SETX: variants seen among roughly 807,000 people sequenced by gnomAD.
SETX encodes senataxin.
In SETX, 90 loss-of-function variants were observed where a neutral mutation model predicts 227.2. The observed-to-expected ratio is 0.40, with a 90% CI of 0.33 to 0.47. The LOEUF (loss-of-function observed/expected upper bound fraction) is 0.47, where lower values mean the gene tolerates loss of function less well. SETX is among the 20% of genes least tolerant of loss of function. The probability of loss-of-function intolerance (pLI) is 0.91; values close to 1 mark genes in which losing one functional copy is unlikely to be tolerated. For missense variants in SETX, 3,052 were observed against 3,181.5 expected (o/e 0.96, Z 0.98); for synonymous variants, 1,210 against 1,113.2 (o/e 1.09, Z -1.73).
chr9:132,291,148 G>A (rs1844273486), intron 15 of SETX, among the ~76,000 whole-genome samples: 2 of 149,966 alleles, frequency 1.3e-5, no homozygotes, highest in South Asian at 2.1e-4. Flanking sequence ...TTTACTTGAG[G>A]GTTTGAAAAC....
At position 132,292,625 on chromosome 9, in the gene SETX, A is replaced by ATT. The variant is rs529367112; in HGVS notation, c.6106+3245_6106+3246dup. 1.1e-3 allele frequency among the ~76,000 whole-genome samples: 143 copies of ATT among 125,178 alleles called. 1 individual carries two copies. Among genetic ancestry groups the ATT allele is most frequent in the Non-Finnish European group, 1.3e-3 (76 of 59,946 alleles). The allele number at this position is 125,178 out of a possible 152,430, so 82.1% of individuals were successfully genotyped here. A position where few individuals can be genotyped will look rare whatever the true frequency, so the allele number is the denominator to read the frequency against. ...AGAATAACAAAAAAGTTCCCAACTCATTTTTTTTTTTTTTTTTTTTTGAGA... is the reference window on the plus strand; with the variant it reads ...AGAATAACAAAAAAGTTCCCAACTCATTTTTTTTTTTTTTTTTTTTTTTGAGA... On this transcript the variant is annotated intron_variant, in intron 15 of 25. Coordinates refer to ENST00000224140, the MANE Select transcript of SETX (RefSeq NM_015046.7).
At chr9:132,300,897 T>G in intron 11 of SETX, 94 bp from the exon 12 acceptor site, 5 of 1,169,074 alleles carry the variant, frequency 4.3e-6, no homozygotes, top group Non-Finnish European at 6.0e-6. Context: ...TGTATTAAGT[T>G]CAAAAATACA....
At chr9:132,350,627 A>G (rs536291480) in intron 2 of SETX, among the ~76,000 whole-genome samples, 1 of 152,330 alleles carries the variant, frequency 6.6e-6, no homozygotes, top group Admixed American at 6.5e-5. Context: ...AAGCATAATC[A>G]AATACATTGT....
chr9:132,293,955 C>T (rs1589662951), intron 15 of SETX, among the ~76,000 whole-genome samples: 3 of 151,954 alleles, frequency 2.0e-5, no homozygotes, highest in African/African-American at 4.8e-5. Context: ...ACCTGAGAGG[C>T]GGAGCTTGCA....
chr9:132,288,068 C>A (rs1317020244), intron 17 of SETX, among the ~76,000 whole-genome samples, 168 bp downstream of exon 17: 2 of 152,018 alleles, frequency 1.3e-5, no homozygotes, highest in African/African-American at 4.8e-5. Flanking sequence ...CCCACCTACT[C>A]GGGAGGCTGA....
intron 25 of SETX, among the ~76,000 whole-genome samples, chr9:132,265,478 G>A (rs1364398659): frequency 6.6e-6 from 1 of 151,998 alleles, no homozygotes; most frequent in East Asian, 1.9e-4. Flanking sequence ...GCCCGCCTCA[G>A]CTCCCAAAGT....
At chr9:132,294,107 C>T (rs1262944656) in intron 15 of SETX, among the ~76,000 whole-genome samples, 1 of 151,940 alleles carries the variant, frequency 6.6e-6, no homozygotes, top group Non-Finnish European at 1.5e-5. Context: ...GTGCAGTCAA[C>T]ATACACCTGA....
chr9:132,334,883 CAAGT>C (rs1847492502), intron 6 of SETX, among the ~76,000 whole-genome samples, 156 bp from the exon 7 acceptor site: 2 of 152,276 alleles, frequency 1.3e-5, no homozygotes, highest in African/African-American at 4.8e-5. Context: ...CAACTGCTCC[CAAGT>C]AATAGAACTC....
intron 12 of SETX, among the ~76,000 whole-genome samples, chr9:132,299,120 A>C (rs535372515): frequency 6.6e-6 from 1 of 152,226 alleles, no homozygotes; most frequent in Non-Finnish European, 1.5e-5. Flanking sequence ...AAAATCAATC[A>C]TATCTGCTGA....
intron 15 of SETX, 32 bp from the exon 16 acceptor site, chr9:132,288,683 A>G (rs1844084878): frequency 7.3e-7 from 1 of 1,362,720 alleles, no homozygotes. Context: ...AAGGACTAAT[A>G]AGGACACTGC....
Position 132,300,643 on chromosome 9 carries a change from G to A in SETX, c.5535C>T (p.Arg1845=), listed in dbSNP as rs200433173. 2.4e-5 allele frequency: 39 copies of A among 1,613,614 alleles called. 1 individual carries two copies. The highest frequency in any genetic ancestry group is 2.8e-5 in the Non-Finnish European group (33 of 1,179,874). The change falls in exon 12 of 26, where the codon CGC becomes CGT. Residue 1845 remains arginine, a synonymous_variant. Transcript: ENST00000224140. ...EYHSGYVHKF[R]RTSVMRNGKT... is the part of the protein sequence containing the mutation. ...TTATTTACTTACTGACTGACGTGCGGCGAAATTTATGAACATAACCAGAAT... is the reference window on the plus strand; with the variant it reads ...TTATTTACTTACTGACTGACGTGCGACGAAATTTATGAACATAACCAGAAT...
intron 5 of SETX, among the ~76,000 whole-genome samples, chr9:132,339,256 T>A (rs1194565847): frequency 6.6e-6 from 1 of 152,070 alleles, no homozygotes; most frequent in Non-Finnish European, 1.5e-5. Context: ...GGCTGAGGTA[T>A]GGGGGCACTT....
chr9:132,335,124 C>T (rs551426604), intron 6 of SETX, among the ~76,000 whole-genome samples: 41 of 152,140 alleles, frequency 2.7e-4, no homozygotes, highest in Middle Eastern at 3.4e-3. Context: ...GGCGTGGTGG[C>T]TCACACCTGT....
chr9:132,270,319 G>C (rs78435310), intron 24 of SETX, among the ~76,000 whole-genome samples: 1 of 149,248 alleles, frequency 6.7e-6, no homozygotes, highest in Non-Finnish European at 1.5e-5. Context: ...ATGACTCAGC[G>C]TGCCCGTGTG....
intron 4 of SETX, among the ~76,000 whole-genome samples, chr9:132,343,246 G>A (rs1250871311): frequency 6.6e-6 from 1 of 152,140 alleles, no homozygotes; most frequent in African/African-American, 2.4e-5. Flanking sequence ...TTGAACCCAG[G>A]AGGTGGAGGT....
chr9:132,325,261 CAGG>C (rs1205495730), intron 10 of SETX, among the ~76,000 whole-genome samples: 2 of 152,112 alleles, frequency 1.3e-5, no homozygotes, highest in African/African-American at 4.8e-5. Flanking sequence ...GAGGCTGAGG[CAGG>C]AGAACAGCCT....
intron 2 of SETX, among the ~76,000 whole-genome samples, chr9:132,352,378 C>G (rs1848645481): frequency 6.6e-6 from 1 of 152,188 alleles, no homozygotes; most frequent in Admixed American, 6.5e-5. Flanking sequence ...TCATTCAGTA[C>G]TCTTTCTGGG....
Position 132,346,603 on chromosome 9 carries a change from G to C in SETX, c.178-132C>G, listed in dbSNP as rs929779602. 8.6e-6 allele frequency: 6 copies of C among 701,148 alleles called. No homozygotes were observed. In the African/African-American group the frequency reaches 9.0e-5, roughly 11 times the overall value. The allele number at this position is 701,148 out of a possible 1,614,324, so 43.4% of individuals were successfully genotyped here. On this transcript the variant is annotated intron_variant, in intron 3 of 25. Transcript: ENST00000224140. ...GTAAAGTATTAGAGCTTGTATTTTA[G>C]ATTTAAAGAAAACTATTCAAATGTG...
At position 132,283,424 on chromosome 9, in the gene SETX, A is replaced by G; in HGVS notation, c.6397-11T>C. 1 of 1,614,198 alleles carries G rather than the reference A, an allele frequency of 6.2e-7. No individual in the cohort carries two copies. The highest frequency in any genetic ancestry group is 1.1e-5 in the South Asian group (1 of 91,084). ...TGGGCGTCCTTGAACCTAAGAGAAC[A>G]AAGGTTAAATCAATATTCAGCTGTA... On this transcript the variant is annotated splice_polypyrimidine_tract_variant and intron_variant, in intron 18 of 25. Coordinates refer to ENST00000224140, the MANE Select transcript of SETX (RefSeq NM_015046.7).
Sources: allele counts gnomAD v4.1 joint callset (sites outside exome capture counted in the v4.1 genomes callset), GRCh38; gene constraint gnomAD v4.1.1; transcripts MANE v1.5; gene names NCBI Gene and HGNC (gene_info 2026-07-23, HGNC 2026-07-21).